The following RBM6 variants were observed in gnomAD, a reference collection of about 807,000 sequenced individuals.
The protein encoded by RBM6 is RNA binding motif protein 6.
In RBM6, 23 loss-of-function variants were observed where a neutral mutation model predicts 140.4. That is an observed-to-expected ratio of 0.16 (90% CI 0.12 to 0.23). The LOEUF (loss-of-function observed/expected upper bound fraction) is 0.23. Among genes scored for constraint, RBM6 ranks in the 10% least tolerant of loss-of-function variants. RBM6 has a pLI of 1.00. For missense variants in RBM6, 1,139 were observed against 1,386.7 expected, an observed-to-expected ratio of 0.82 and a Z score of 2.84; for synonymous variants, 439 against 475.6, an observed-to-expected ratio of 0.92 and a Z score of 1.00.
intron 5 of RBM6, among the ~76,000 whole-genome samples, chr3:49,986,609 A>C (rs1280021288): frequency 6.9e-6 from 1 of 145,978 alleles, no homozygotes; most frequent in South Asian, 2.1e-4. Context: ...AAAAAAAAAA[A>C]CAAAACAAAA....
chr3:49,957,187 T>C (rs1295405876), intron 1 of RBM6, among the ~76,000 whole-genome samples: 2 of 152,120 alleles, frequency 1.3e-5, no homozygotes, highest in African/African-American at 4.8e-5. Context: ...TCTTGCTATA[T>C]TGCCTAGGCT....
At chr3:50,076,308 C>T (rs892990636) in intron 20 of RBM6, among the ~76,000 whole-genome samples, 15 of 151,128 alleles carry the variant, frequency 9.9e-5, no homozygotes, top group Non-Finnish European at 2.2e-4. Context: ...AGGGTCCGGG[C>T]GCAGTGGCTT....
At chr3:49,995,150 T>G (rs978056173) in intron 5 of RBM6, among the ~76,000 whole-genome samples, 1 of 152,182 alleles carries the variant, frequency 6.6e-6, no homozygotes, top group Admixed American at 6.5e-5. Context: ...GCTTTTATCA[T>G]AGATACATTT....
intron 5 of RBM6, among the ~76,000 whole-genome samples, chr3:49,995,986 A>G (rs1170670167): frequency 6.6e-6 from 1 of 152,028 alleles, no homozygotes; most frequent in Non-Finnish European, 1.5e-5. Context: ...CATTATATGC[A>G]TTTTCTGATT....
chr3:49,940,480 C>T, intron 1 of RBM6: 1 of 154,994 alleles, frequency 6.5e-6, no homozygotes, highest in Middle Eastern at 5.4e-4. Context: ...CCGGTCCCGC[C>T]GCGGAGCGGC....
intron 6 of RBM6, 140 bp from the exon 7 acceptor site, chr3:50,048,105 C>T: frequency 6.9e-7 from 1 of 1,450,310 alleles, no homozygotes; most frequent in Non-Finnish European, 9.1e-7. Flanking sequence ...CTTAAAACAG[C>T]CATTTCCTTT....
chr3:50,000,731 T>G (rs1291741387), intron 6 of RBM6, among the ~76,000 whole-genome samples: 1 of 152,188 alleles, frequency 6.6e-6, no homozygotes, highest in Admixed American at 6.6e-5. Flanking sequence ...GCCCAGAATC[T>G]TAAAAGAAGG....
chr3:49,986,787 CTCTTCTCTTTTCTTT>C (rs1178018450), intron 5 of RBM6, among the ~76,000 whole-genome samples: 3 of 128,258 alleles, frequency 2.3e-5, no homozygotes, highest in Admixed American at 8.3e-5. Flanking sequence ...CTCTTTTCTT[CTCTTCTCTTTTCTTT>C]TCTTTCAGAG....
chr3:50,068,848 C>A, intron 18 of RBM6, 84 bp downstream of exon 18: 1 of 1,233,896 alleles, frequency 8.1e-7, no homozygotes, highest in Non-Finnish European at 1.2e-6. Flanking sequence ...CTGATCCCTC[C>A]TTATAAGAAG....
Position 50,061,560 on chromosome 3 carries a change from CTTTTTTTTTTT to C in RBM6, c.2439+27_2439+37del, listed in dbSNP as rs10663019. On this transcript the variant is annotated intron_variant, in intron 14 of 20. Transcript: ENST00000266022. ...CCCCAATACCCAGGTGAGTTTGGGG[CTTTTTTTTTTT>C]TTTTTTTTTTTTTACCTCTGTCAAT... 1.6e-5 allele frequency: 20 copies of C among 1,270,284 alleles called. No individual in the cohort carries two copies. Among genetic ancestry groups the C allele is most frequent in the South Asian group, 3.9e-5 (2 of 50,848 alleles). 78.7% of individuals were successfully genotyped at this position (1,270,284 alleles called of 1,614,324 possible).
intron 5 of RBM6, among the ~76,000 whole-genome samples, chr3:49,976,408 A>G (rs2085065175): frequency 6.6e-6 from 1 of 152,216 alleles, no homozygotes; most frequent in Admixed American, 6.5e-5. Context: ...ACAAGCTCAG[A>G]AGTATTATTT....
At chr3:50,057,670 CTTTTT>C in intron 8 of RBM6, 53 bp from the exon 9 acceptor site, 4 of 1,239,404 alleles carry the variant, frequency 3.2e-6, no homozygotes, top group Admixed American at 5.2e-5. Context: ...AGTGTTTTTT[CTTTTT>C]TTTTTTTTTT....
intron 1 of RBM6, among the ~76,000 whole-genome samples, chr3:49,960,293 C>A (rs1575552625): frequency 6.6e-6 from 1 of 152,140 alleles, no homozygotes; most frequent in East Asian, 1.9e-4. Context: ...AGTAAAACAC[C>A]ACAGAACTTT....
At chr3:50,074,150 C>G (rs1003887751) in intron 19 of RBM6, among the ~76,000 whole-genome samples, 2 of 152,096 alleles carry the variant, frequency 1.3e-5, no homozygotes, top group Non-Finnish European at 2.9e-5. Context: ...TTACCTTTGT[C>G]AGTTTCTACT....
chr3:49,990,004 C>T (rs1286419429), intron 5 of RBM6, among the ~76,000 whole-genome samples: 1 of 152,178 alleles, frequency 6.6e-6, no homozygotes, highest in Non-Finnish European at 1.5e-5. Context: ...GCCTTGGCTT[C>T]CCAAAGTGCT....
chr3:50,073,720 T>A (rs2090374722), intron 19 of RBM6, among the ~76,000 whole-genome samples: 2 of 152,214 alleles, frequency 1.3e-5, no homozygotes, highest in Non-Finnish European at 2.9e-5. Context: ...ATAACTTGTC[T>A]TTTTACAAAC....
intron 15 of RBM6, 25 bp from the exon 16 acceptor site, chr3:50,065,006 T>C: frequency 6.3e-7 from 1 of 1,576,488 alleles, no homozygotes; most frequent in Non-Finnish European, 8.7e-7. Context: ...GAATATCATG[T>C]GAGAGTTACC....
At position 50,076,996 on chromosome 3, in the gene RBM6, T is replaced by C. The variant is rs1253277409; in HGVS notation, c.3247-12T>C. The C allele has an allele frequency of 6.2e-7, 1 of 1,602,926 alleles. No homozygotes were observed. The highest frequency in any genetic ancestry group is 1.1e-5 in the South Asian group (1 of 89,390). ...TATAGGGCCCACTTCATAGTTTGTC[T>C]TTGTTTTACAGGCTGAAGGCCGGAT... On this transcript the variant is annotated splice_polypyrimidine_tract_variant and intron_variant, in intron 20 of 20. Transcript: ENST00000266022.
chr3:50,039,385 G>T (rs904297393), intron 6 of RBM6, among the ~76,000 whole-genome samples: 1 of 151,744 alleles, frequency 6.6e-6, no homozygotes, highest in East Asian at 1.9e-4. Flanking sequence ...GATTAGAAGC[G>T]CCCATTACCA....
Sources: allele counts gnomAD v4.1 joint callset (sites outside exome capture counted in the v4.1 genomes callset), GRCh38; gene constraint gnomAD v4.1.1; transcripts MANE v1.5; gene names NCBI Gene and HGNC (gene_info 2026-07-23, HGNC 2026-07-21).